The following SCFD2 variants were observed in gnomAD, a reference collection of about 807,000 sequenced individuals.
SCFD2 encodes the protein sec1 family domain containing 2.
In SCFD2, 54 loss-of-function variants were observed where a neutral mutation model predicts 58.9. The observed-to-expected ratio is 0.92, with a 90% CI of 0.74 to 1.15. The LOEUF is 1.15. Among genes scored for constraint, SCFD2 ranks in the 50% most tolerant of loss-of-function variants. The probability of loss-of-function intolerance (pLI) is 0.00; values close to 1 mark genes in which losing one functional copy is unlikely to be tolerated. For synonymous variants in SCFD2, 321 were observed against 335.9 expected (o/e 0.96, Z 0.49); for missense variants, 805 against 836.6 (o/e 0.96, Z 0.47).
intron 7 of SCFD2, among the ~76,000 whole-genome samples, chr4:52,887,000 T>G (rs1383289083): frequency 2.0e-5 from 3 of 152,232 alleles, no homozygotes; most frequent in Non-Finnish European, 4.4e-5. Context: ...GTTTGTTTAT[T>G]TATTTGTTTA....
chr4:52,887,585 CGGGACA>C (rs901494138), intron 7 of SCFD2, among the ~76,000 whole-genome samples: 1 of 152,098 alleles, frequency 6.6e-6, no homozygotes, highest in Non-Finnish European at 1.5e-5. Flanking sequence ...AAGGGTGGAG[CGGGACA>C]GGGAGGCCCA....
chr4:53,165,466 C>G (rs1726978989), intron 4 of SCFD2, among the ~76,000 whole-genome samples: 1 of 152,154 alleles, frequency 6.6e-6, no homozygotes, highest in Non-Finnish European at 1.5e-5. Context: ...CCATGGCATG[C>G]AATGGAATCT....
chr4:53,305,267 T>C (rs1444921252), intron 3 of SCFD2, among the ~76,000 whole-genome samples: 1 of 152,218 alleles, frequency 6.6e-6, no homozygotes, highest in Non-Finnish European at 1.5e-5. Flanking sequence ...TCTAAGAGTG[T>C]TATGGTTTCA....
At chr4:53,140,392 A>AATATATATATATATATATATATAT (rs1553880149) in intron 5 of SCFD2, among the ~76,000 whole-genome samples, 2 of 97,496 alleles carry the variant, frequency 2.1e-5, no homozygotes, top group Non-Finnish European at 4.0e-5. Flanking sequence ...CAAAAATGCT[A>AATATATATATATATATATATATAT]ATATATATAT....
At chr4:53,325,897 T>G (rs1733178636) in intron 2 of SCFD2, among the ~76,000 whole-genome samples, 2 of 151,530 alleles carry the variant, frequency 1.3e-5, no homozygotes, top group African/African-American at 4.9e-5. Flanking sequence ...TCCCCCAAAA[T>G]CAAACCTGAA....
intron 5 of SCFD2, among the ~76,000 whole-genome samples, chr4:53,115,556 T>C (rs1395395841): frequency 1.3e-5 from 2 of 152,110 alleles, no homozygotes; most frequent in Admixed American, 6.6e-5. Context: ...TGTCATCTCA[T>C]TGGAGGTATC....
At chr4:53,342,941 T>C (rs572963482) in intron 2 of SCFD2, among the ~76,000 whole-genome samples, 309 of 152,312 alleles carry the variant, frequency 2.0e-3, no homozygotes, top group Non-Finnish European at 3.6e-3. Flanking sequence ...CCAGAATCTC[T>C]GGGACACATT....
At position 53,086,574 on chromosome 4, in the gene SCFD2, T is replaced by C. The variant is rs551626529; in HGVS notation, c.1561+58759A>G. ...AAAATCAGTATGTCAAAGAGATATC[T>C]GCACTCACATGTTTGTTGTAGCATT... On this transcript the variant is annotated intron_variant, in intron 5 of 8. Coordinates refer to ENST00000401642, the MANE Select transcript of SCFD2 (RefSeq NM_152540.4). 9.2e-5 allele frequency among the ~76,000 whole-genome samples: 14 copies of C among 152,354 alleles called. No individual in the cohort carries two copies. The East Asian group carries it at 2.5e-3, about 27-fold the overall frequency.
At chr4:53,090,056 G>A (rs960136311) in intron 5 of SCFD2, among the ~76,000 whole-genome samples, 1 of 152,154 alleles carries the variant, frequency 6.6e-6, no homozygotes, top group African/African-American at 2.4e-5. Context: ...TCCAAGCACT[G>A]CATAGTTTTG....
chr4:52,967,892 G>T (rs1720996736), intron 5 of SCFD2, among the ~76,000 whole-genome samples: 2 of 152,036 alleles, frequency 1.3e-5, no homozygotes, highest in South Asian at 4.2e-4. Flanking sequence ...CATCAGTGTT[G>T]ACTTGTTTCC....
chr4:53,259,758 A>G (rs112289023), intron 4 of SCFD2, among the ~76,000 whole-genome samples: 7 of 152,216 alleles, frequency 4.6e-5, no homozygotes, highest in African/African-American at 1.7e-4. Context: ...GTGAAGAATG[A>G]TAGTGGTATT....
chr4:52,882,810 T>A (rs1718650774), intron 8 of SCFD2, among the ~76,000 whole-genome samples: 1 of 152,218 alleles, frequency 6.6e-6, no homozygotes, highest in Non-Finnish European at 1.5e-5. Flanking sequence ...CCCCTTTATA[T>A]CTACATTTAT....
chr4:52,911,400 C>A (rs1719482343), intron 6 of SCFD2, among the ~76,000 whole-genome samples: 3 of 152,190 alleles, frequency 2.0e-5, no homozygotes, highest in Non-Finnish European at 4.4e-5. Context: ...GCTGGGTTCT[C>A]CTTGGGGGTA....
At chr4:53,128,949 T>C (rs1182460109) in intron 5 of SCFD2, among the ~76,000 whole-genome samples, 2 of 152,206 alleles carry the variant, frequency 1.3e-5, no homozygotes, top group African/African-American at 4.8e-5. Flanking sequence ...AACCCCCAAA[T>C]TGTACATCAC....
intron 4 of SCFD2, among the ~76,000 whole-genome samples, chr4:53,251,208 C>G (rs1480516047): frequency 6.6e-6 from 1 of 152,116 alleles, no homozygotes; most frequent in Non-Finnish European, 1.5e-5. Flanking sequence ...CTGAATGGAC[C>G]AATAACAGGA....
intron 4 of SCFD2, among the ~76,000 whole-genome samples, chr4:53,254,203 G>A (rs529918667): frequency 3.9e-5 from 6 of 152,184 alleles, no homozygotes; most frequent in Admixed American, 6.5e-5. Flanking sequence ...ACCTTGAATC[G>A]TAATCCCCAT....
At chr4:53,087,683 G>A (rs1177712213) in intron 5 of SCFD2, among the ~76,000 whole-genome samples, 2 of 134,768 alleles carry the variant, frequency 1.5e-5, no homozygotes, top group Non-Finnish European at 3.1e-5. Flanking sequence ...TTTTTGAGAC[G>A]GAGTCTCGCT....
chr4:52,905,491 C>G (rs1483027559), intron 7 of SCFD2, among the ~76,000 whole-genome samples: 1 of 152,178 alleles, frequency 6.6e-6, no homozygotes, highest in Admixed American at 6.5e-5. Context: ...GATGAGATGC[C>G]CTGGCAACTG....
intron 5 of SCFD2, among the ~76,000 whole-genome samples, chr4:52,966,448 T>C (rs916630014): frequency 3.9e-5 from 6 of 152,138 alleles, no homozygotes; most frequent in African/African-American, 1.4e-4. Context: ...CCTTTCCTCC[T>C]TCCCACATTA....
Sources: allele counts gnomAD v4.1 joint callset (sites outside exome capture counted in the v4.1 genomes callset), GRCh38; gene constraint gnomAD v4.1.1; transcripts MANE v1.5; gene names NCBI Gene and HGNC (gene_info 2026-07-23, HGNC 2026-07-21).